TJP2: variants seen among roughly 807,000 people sequenced by gnomAD.
The protein encoded by TJP2 is Friedreich ataxia region gene X104 (tight junction protein ZO-2).
In TJP2, 91 loss-of-function variants were observed where a neutral mutation model predicts 133.1. The observed-to-expected ratio is 0.68, with a 90% confidence interval of 0.58 to 0.81. The LOEUF is 0.81. Ranked by LOEUF, TJP2 falls within the 40% of genes least tolerant of loss-of-function variation. The probability of loss-of-function intolerance (pLI) is 0.00; values close to 1 mark genes in which losing one functional copy is unlikely to be tolerated. For synonymous variants in TJP2, 592 were observed against 583.4 expected, an observed-to-expected ratio of 1.01 and a Z score of -0.21; for missense variants, 1,541 against 1,565.6, an observed-to-expected ratio of 0.98 and a Z score of 0.26.
At chr9:69,181,986 C>G (rs1032297245) in intron 1 of TJP2, among the ~76,000 whole-genome samples, 1 of 152,186 alleles carries the variant, frequency 6.6e-6, no homozygotes, top group Admixed American at 6.5e-5. Context: ...CTCTTCCTCT[C>G]CACCCCCATG....
chr9:69,251,029 C>G lies in TJP2; in HGVS notation c.2992-6C>G. The G allele has an allele frequency of 6.2e-7, 1 of 1,613,978 alleles. No homozygotes were observed. The highest frequency in any genetic ancestry group is 1.3e-5 in the African/African-American group (1 of 75,046). On this transcript the variant is annotated splice_region_variant and splice_polypyrimidine_tract_variant and intron_variant, in intron 20 of 22. Transcript: ENST00000377245. The stretch of plus-strand genomic sequence containing the variant: ...CAGGGTGAAAACGTGTCATTGCTCT[C>G]CGCAGGCCAAAACCCAGAACAAAGA...
At chr9:69,178,552 C>T (rs1825261187) in intron 1 of TJP2, among the ~76,000 whole-genome samples, 1 of 152,144 alleles carries the variant, frequency 6.6e-6, no homozygotes, top group African/African-American at 2.4e-5. Flanking sequence ...CTTGACCACG[C>T]CTTCAAGAAA....
chr9:69,171,389 C>T (rs1410728243), upstream of TJP2, among the ~76,000 whole-genome samples: 1 of 152,120 alleles, frequency 6.6e-6, no homozygotes, highest in African/African-American at 2.4e-5. Flanking sequence ...TCTCCTCCCC[C>T]ACCAACCCCT....
intron 16 of TJP2, 99 bp downstream of exon 16, chr9:69,238,888 T>A (rs1830387909): frequency 9.2e-7 from 1 of 1,086,882 alleles, no homozygotes; most frequent in Non-Finnish European, 1.4e-6. Context: ...AATCATTAAA[T>A]GTTAATAATA....
chr9:69,198,390 C>T (rs192818554), intron 1 of TJP2, among the ~76,000 whole-genome samples: 64 of 152,338 alleles, frequency 4.2e-4, no homozygotes, highest in African/African-American at 1.4e-3. Context: ...CATCTGCCCG[C>T]CTTGGCCTCC....
chr9:69,228,477 A>G (rs1301745416), intron 9 of TJP2, among the ~76,000 whole-genome samples: 1 of 152,208 alleles, frequency 6.6e-6, no homozygotes, highest in Non-Finnish European at 1.5e-5. Flanking sequence ...TATGCATGTA[A>G]CAGACTTGGA....
At chr9:69,193,855 C>T (rs1826372735) in intron 1 of TJP2, among the ~76,000 whole-genome samples, 1 of 151,806 alleles carries the variant, frequency 6.6e-6, no homozygotes, top group African/African-American at 2.4e-5. Flanking sequence ...GAGTATGTTC[C>T]AGTATGATGG....
chr9:69,174,311 A>C lies in TJP2; in HGVS notation c.-62A>C. 1.9e-6 allele frequency: 3 copies of C among 1,549,850 alleles called. No individual in the cohort carries two copies. The highest frequency in any genetic ancestry group is 2.0e-5 in the Admixed American group (1 of 50,688). On this transcript the variant is annotated 5_prime_UTR_variant, in exon 1 of 23. Coordinates refer to ENST00000377245, the MANE Select transcript of TJP2 (RefSeq NM_004817.4). The stretch of plus-strand genomic sequence containing the variant: ...TCCGGTGGTGCCCAGGAGGAGTAGG[A>C]GCAGGAGCAGAAGCAGAAGCGGGGT...
chr9:69,155,227 C>CA (rs58935075), intron 2 of TJP2, among the ~76,000 whole-genome samples: 17,908 of 98,330 alleles, frequency 0.18, 1,154 homozygotes, highest in Non-Finnish European at 0.21. Flanking sequence ...ACTCCATTTC[C>CA]AAAAAAAAAA....
Position 69,230,394 on chromosome 9 carries a change from C to T in TJP2, c.1671+162C>T, listed in dbSNP as rs554853646. Among the ~76,000 whole-genome samples the T allele has an allele frequency of 2.0e-5, 3 of 152,320 alleles. No homozygotes were observed. The East Asian group carries it at 5.8e-4, about 29-fold the overall frequency. On this transcript the variant is annotated intron_variant, in intron 11 of 22. Coordinates refer to ENST00000377245, the MANE Select transcript of TJP2 (RefSeq NM_004817.4). ...AAGTCTCTGTATTCCTCAAATGCGT[C>T]CTGTCTTCTCAGTCTTGGAACCCAG... is the stretch of plus-strand genomic sequence containing the variant.
At chr9:69,206,553 T>TTTTA (rs34725985) in intron 1 of TJP2, among the ~76,000 whole-genome samples, 75,269 of 149,206 alleles carry the variant, frequency 0.5, 19,376 homozygotes, top group East Asian at 0.62. Flanking sequence ...TCTCCCTATT[T>TTTTA]TTTATTTATT....
intron 1 of TJP2, among the ~76,000 whole-genome samples, chr9:69,149,413 G>A (rs746265699): frequency 2.6e-5 from 4 of 152,126 alleles, no homozygotes; most frequent in African/African-American, 4.8e-5. Flanking sequence ...CTTTAATCCC[G>A]TTGCTTGCTT....
intron 5 of TJP2, among the ~76,000 whole-genome samples, chr9:69,222,257 A>T (rs1036713724): frequency 2.0e-5 from 3 of 150,698 alleles, no homozygotes; most frequent in African/African-American, 7.4e-5. Flanking sequence ...GCTCACTGCA[A>T]CCTCTGCCTC....
chr9:69,127,330 A>G (rs1822319713), intron 1 of TJP2, among the ~76,000 whole-genome samples: 1 of 72,310 alleles, frequency 1.4e-5, no homozygotes, highest in East Asian at 4.2e-4. Flanking sequence ...CAGCCTCCCA[A>G]AGTGTTGGAA....
rs150195143 is a variant in TJP2 at position 69,124,421 on chromosome 9, A to G, written c.-131+2696A>G. On this transcript the variant is annotated intron_variant, in intron 1 of 5. Transcript: ENST00000423935. ...AGATTGGGTTCTTGCTTTGCTGCCC[A>G]GGCTAGTCTTGAACTCCTGGCTTTA... Among the ~76,000 whole-genome samples the G allele has an allele frequency of 9.5e-3, 732 of 76,798 alleles. 262 individuals carry two copies. Among genetic ancestry groups the G allele is most frequent in the African/African-American group, 0.028 (701 of 25,210 alleles). 50.4% of individuals were successfully genotyped at this position (76,798 alleles called of 152,430 possible). A position where few individuals can be genotyped will look rare whatever the true frequency, so the allele number is the denominator to read the frequency against.
Position 69,246,751 on chromosome 9 carries a change from G to A in TJP2, c.2628G>A (p.Gln876=). The A allele has an allele frequency of 6.2e-7, 1 of 1,614,100 alleles. No individual in the cohort carries two copies. Among genetic ancestry groups the A allele is most frequent in the African/African-American group, 1.3e-5 (1 of 75,018 alleles). Residue 876 remains glutamine, a synonymous_variant, in exon 18 of 23, where the codon CAG becomes CAA. Transcript: ENST00000377245. ...TTGGCAGCTTAAAGGACACTATTCA[G>A]CATCAGCAAGGAGAAGCGGTTTGGG... ...SWFGSLKDTI[Q]HQQGEAVWVS...
intron 5 of TJP2, among the ~76,000 whole-genome samples, chr9:69,222,209 G>T (rs1452822007): frequency 1.9e-4 from 27 of 140,192 alleles, no homozygotes; most frequent in African/African-American, 6.5e-4. Flanking sequence ...GAGTCTCACT[G>T]TGTCACCCTG....
At chr9:69,141,593 A>G (rs1315058615) in intron 1 of TJP2, among the ~76,000 whole-genome samples, 1 of 152,014 alleles carries the variant, frequency 6.6e-6, no homozygotes, top group Non-Finnish European at 1.5e-5. Flanking sequence ...TTACGGCATT[A>G]TTTATTAATT....
intron 1 of TJP2, among the ~76,000 whole-genome samples, chr9:69,206,794 G>A (rs1433090664): frequency 6.6e-6 from 1 of 152,046 alleles, no homozygotes; most frequent in Non-Finnish European, 1.5e-5. Flanking sequence ...AGTCAGTATG[G>A]TCTTGATCTC....
Sources: gnomAD v4.1 joint callset for allele counts (sites outside exome capture counted in the v4.1 genomes callset) on GRCh38, gnomAD v4.1.1 for gene constraint, MANE v1.5 for transcripts, NCBI Gene and HGNC (gene_info 2026-07-23, HGNC 2026-07-21) for gene names.